The following PLEKHG1 variants were observed in gnomAD, a reference collection of about 807,000 sequenced individuals.
PLEKHG1 encodes the protein pleckstrin homology and RhoGEF domain containing G1.
A neutral mutation model predicts 100.8 loss-of-function variants in PLEKHG1; 44 were observed. The ratio of observed to expected loss-of-function variants is 0.44; its 90% CI spans 0.34 to 0.56. The LOEUF (loss-of-function observed/expected upper bound fraction) is 0.56, where lower values mean the gene tolerates loss of function less well. Ranked by LOEUF, PLEKHG1 falls within the 20% of genes least tolerant of loss-of-function variation. The pLI is 0.01. For synonymous variants in PLEKHG1, 640 were observed against 662.5 expected, an observed-to-expected ratio of 0.97 and a Z score of 0.52; for missense variants, 1,545 against 1,720.9, an observed-to-expected ratio of 0.90 and a Z score of 1.81.
intron 3 of PLEKHG1, chr6:150,664,285 C>T (rs1023620673): frequency 2.0e-5 from 3 of 152,206 alleles, no homozygotes; most frequent in African/African-American, 7.2e-5. Context: ...CCACTTACAT[C>T]ATGAAGGGCA....
rs192823410 is a variant in PLEKHG1, at chr6:150,734,645, A to G, written c.411+553A>G. Among the ~76,000 whole-genome samples, 504 of 152,278 alleles carry G rather than the reference A, an allele frequency of 3.3e-3. 5 individuals carry two copies. The highest frequency in any genetic ancestry group is 0.011 in the African/African-American group (476 of 41,564). On this transcript the variant is annotated intron_variant, in intron 2 of 15. Coordinates refer to ENST00000358517, the Ensembl canonical transcript of PLEKHG1. Reference sequence around the variant, plus strand: ...AGGTTTGCAGCCGCTGCTGTCTGCTATTCCTGTATTGGTTGGTGTTTGGGG... The same window carrying G: ...AGGTTTGCAGCCGCTGCTGTCTGCTGTTCCTGTATTGGTTGGTGTTTGGGG...
intron 2 of PLEKHG1, among the ~76,000 whole-genome samples, chr6:150,734,453 A>T (rs1782459459): frequency 6.6e-6 from 1 of 152,156 alleles, no homozygotes; most frequent in South Asian, 2.1e-4. Flanking sequence ...TGTATGACTA[A>T]ACCCCTCAGC....
At chr6:150,747,732 T>C (rs1317542880) in intron 2 of PLEKHG1, among the ~76,000 whole-genome samples, 1 of 151,948 alleles carries the variant, frequency 6.6e-6, no homozygotes, top group Non-Finnish European at 1.5e-5. Flanking sequence ...CTGTCTCTAC[T>C]AATAATACAA....
intron 2 of PLEKHG1, among the ~76,000 whole-genome samples, chr6:150,649,599 G>A (rs1562408661): frequency 1.3e-5 from 2 of 152,312 alleles, no homozygotes; most frequent in African/African-American, 4.8e-5. Flanking sequence ...TGACCAGGCT[G>A]GACGCGGTGG....
chr6:150,824,980 G>T (rs1201882687), intron 14 of PLEKHG1, among the ~76,000 whole-genome samples: 1 of 152,100 alleles, frequency 6.6e-6, no homozygotes, highest in South Asian at 2.1e-4. Context: ...CATAAGTGGG[G>T]TCACTGCAGA....
intron 2 of PLEKHG1, among the ~76,000 whole-genome samples, chr6:150,760,547 C>T (rs1193693444): frequency 6.6e-6 from 1 of 150,988 alleles, no homozygotes; most frequent in Non-Finnish European, 1.5e-5. Flanking sequence ...GGTGGTGGCC[C>T]GTTTTGAAGA....
intron 1 of PLEKHG1, among the ~76,000 whole-genome samples, chr6:150,607,724 C>CT (rs1776660413): frequency 6.6e-6 from 1 of 152,154 alleles, no homozygotes; most frequent in African/African-American, 2.4e-5. Flanking sequence ...TACATTATGC[C>CT]TTTCCCAACA....
At chr6:150,729,769 G>C (rs1782149800) in intron 1 of PLEKHG1, among the ~76,000 whole-genome samples, 1 of 152,140 alleles carries the variant, frequency 6.6e-6, no homozygotes, top group Admixed American at 6.5e-5. Flanking sequence ...AAAATGCCTG[G>C]TTGGCAGCCA....
At chr6:150,843,589 T>C (rs982284530) in exon 16 of PLEKHG1, 1 of 152,204 alleles carries the variant, frequency 6.6e-6, no homozygotes, top group Non-Finnish European at 1.5e-5. Flanking sequence ...TAGAAAAACA[T>C]AGTTTAAATA....
intron 2 of PLEKHG1, among the ~76,000 whole-genome samples, chr6:150,642,800 A>G (rs1778326479): frequency 6.6e-6 from 1 of 152,224 alleles, no homozygotes. Flanking sequence ...CTTGTAATAT[A>G]GCTGCTATCC....
rs17080054 is a variant in PLEKHG1, at chr6:150,653,838, C to T, written c.-99+3052C>T. ...TGTCTGCTCATCAGAGAGATGCATG[C>T]TTATATCAACAAAGGAAGAAAGAAA... On this transcript the variant is annotated intron_variant, in intron 3 of 3. Coordinates refer to the PLEKHG1 transcript ENST00000367326. Among the ~76,000 whole-genome samples, 12 of 152,242 alleles carry T rather than the reference C, an allele frequency of 7.9e-5. No homozygotes were observed. In the East Asian group the frequency reaches 2.3e-3, roughly 29 times the overall value.
At chr6:150,678,428 T>C (rs1051882388) in intron 3 of PLEKHG1, among the ~76,000 whole-genome samples, 16 of 152,086 alleles carry the variant, frequency 1.1e-4, no homozygotes, top group Non-Finnish European at 1.3e-4. Flanking sequence ...CATTAATATA[T>C]AAGCAGGAAT....
rs1776886617 is a variant in PLEKHG1 at position 150,830,940 on chromosome 6, G to T, written c.1829G>T (p.Ser610Ile). The T allele has an allele frequency of 2.5e-6, 4 of 1,614,122 alleles. No homozygotes were observed. The South Asian group carries it at 4.4e-5, about 18-fold the overall frequency. The change falls in exon 15 of 16, where the codon AGC (serine) becomes ATC (isoleucine). Residue 610 changes from serine (S) to isoleucine (I), a missense_variant. Transcript: ENST00000358517. Reference sequence around the variant, plus strand: ...GGTCACAGGATTGTCAGGCGGGCCAGCAGTGCTGGGGAGAGCAACACATGC... The same window carrying T: ...GGTCACAGGATTGTCAGGCGGGCCATCAGTGCTGGGGAGAGCAACACATGC...
intron 1 of PLEKHG1, among the ~76,000 whole-genome samples, chr6:150,727,748 A>G (rs1782034974): frequency 6.6e-6 from 1 of 152,194 alleles, no homozygotes. Context: ...ATTGATCACA[A>G]TCCTCTAAGT....
intron 3 of PLEKHG1, among the ~76,000 whole-genome samples, chr6:150,693,228 C>T (rs1365569694): frequency 6.6e-6 from 1 of 152,124 alleles, no homozygotes; most frequent in Non-Finnish European, 1.5e-5. Context: ...GCGGAGGTTG[C>T]AGTGAGCCAA....
intron 3 of PLEKHG1, among the ~76,000 whole-genome samples, chr6:150,668,395 G>C (rs1779480899): frequency 6.6e-6 from 1 of 152,198 alleles, no homozygotes; most frequent in South Asian, 2.1e-4. Flanking sequence ...AGAGCCAACA[G>C]TTCCCTTTGT....
At chr6:150,663,407 G>A (rs892424309) in intron 3 of PLEKHG1, 1 of 152,100 alleles carries the variant, frequency 6.6e-6, no homozygotes, top group Non-Finnish European at 1.5e-5. Context: ...ACCATTTAGA[G>A]CAAATGGTGC....
intron 2 of PLEKHG1, among the ~76,000 whole-genome samples, chr6:150,766,454 T>C (rs920945609): frequency 2.0e-5 from 3 of 152,234 alleles, no homozygotes; most frequent in Admixed American, 6.5e-5. Context: ...GCATGCTGCC[T>C]TAGTTTTCAG....
At chr6:150,756,147 G>A (rs1186995711) in intron 2 of PLEKHG1, among the ~76,000 whole-genome samples, 1 of 151,602 alleles carries the variant, frequency 6.6e-6, no homozygotes, top group Non-Finnish European at 1.5e-5. Context: ...TGGACAGTAT[G>A]ACAGAAGGAC....
Sources: gnomAD v4.1 joint callset for allele counts (sites outside exome capture counted in the v4.1 genomes callset) on GRCh38, gnomAD v4.1.1 for gene constraint, MANE v1.5 for transcripts, NCBI Gene and HGNC (gene_info 2026-07-23, HGNC 2026-07-21) for gene names.